Variants in RTL9 observed in about 807,000 individuals in gnomAD.
RTL9 encodes retrotransposon Gag-like protein 9.
A neutral mutation model predicts 44.7 loss-of-function variants in RTL9; 19 were observed. The ratio of observed to expected loss-of-function variants is 0.42; its 90% CI spans 0.30 to 0.62. RTL9 has a LOEUF of 0.62. RTL9 is among the 20% of genes least tolerant of loss of function. RTL9 has a pLI of 0.16. For missense variants in RTL9, 1,105 were observed against 1,080.6 expected, an observed-to-expected ratio of 1.02 and a Z score of -0.32; for synonymous variants, 407 against 398.9, an observed-to-expected ratio of 1.02 and a Z score of -0.24.
rs759140794 is a variant in RTL9, at chrX:110,452,990, A to G, written c.2373A>G (p.Gly791=). The change falls in exon 1 of 2, where the codon GGA becomes GGG. Residue 791 remains glycine, a synonymous_variant. Coordinates refer to ENST00000540313, the Ensembl canonical transcript of RTL9. Reference sequence around the variant, plus strand: ...TGCTCACAAGAGCTTCATCCTCTGGAGAGATGTCCCTACCACTAATGAGAG... The same window carrying G: ...TGCTCACAAGAGCTTCATCCTCTGGGGAGATGTCCCTACCACTAATGAGAG... 5 of 1,211,473 alleles carry G rather than the reference A, an allele frequency of 4.1e-6. No homozygotes were observed. The South Asian group carries it at 7.0e-5, about 17-fold the overall frequency.
At chrX:110,369,176 G>C (rs942932089) in intron 1 of RTL9, among the ~76,000 whole-genome samples, 6 of 110,421 alleles carry the variant, frequency 5.4e-5, no homozygotes, top group Admixed American at 9.6e-5. Flanking sequence ...ACTAAAAATA[G>C]AAAAAATTAA....
intron 1 of RTL9, among the ~76,000 whole-genome samples, chrX:110,377,882 C>G (rs1247501613): frequency 1.9e-5 from 2 of 107,479 alleles, no homozygotes; most frequent in Non-Finnish European, 1.9e-5. Flanking sequence ...GGTAGCGGGC[C>G]CCTGTAGTCC....
intron 1 of RTL9, among the ~76,000 whole-genome samples, chrX:110,362,814 A>G (rs1281932052): frequency 8.9e-6 from 1 of 112,066 alleles, no homozygotes; most frequent in Non-Finnish European, 1.9e-5. Context: ...TCTTCCACAC[A>G]TTGCTAACAT....
intron 1 of RTL9, among the ~76,000 whole-genome samples, chrX:110,426,216 T>C (rs887929023): frequency 8.9e-6 from 1 of 112,494 alleles, no homozygotes; most frequent in Non-Finnish European, 1.9e-5. Context: ...TAATCATCGA[T>C]TCAGCCAGAG....
chrX:110,385,014 T>C (rs1022794867), intron 1 of RTL9, among the ~76,000 whole-genome samples: 16 of 111,054 alleles, frequency 1.4e-4, no homozygotes, highest in Admixed American at 1.1e-3. Context: ...CTATCATAGT[T>C]CCAGCAGAAT....
At chrX:110,407,123 G>C (rs894166030) in intron 1 of RTL9, among the ~76,000 whole-genome samples, 2 of 112,090 alleles carry the variant, frequency 1.8e-5, no homozygotes, top group African/African-American at 6.5e-5. Context: ...GACAATTCTT[G>C]AATTTTATAG....
chrX:110,421,978 T>A (rs1291317545), intron 1 of RTL9, among the ~76,000 whole-genome samples: 1 of 113,230 alleles, frequency 8.8e-6, no homozygotes, highest in Non-Finnish European at 1.9e-5. Context: ...CTAACTGCTT[T>A]GCCTTCTGAG....
chrX:110,370,375 A>G (rs2068329745), intron 1 of RTL9, among the ~76,000 whole-genome samples: 1 of 110,253 alleles, frequency 9.1e-6, no homozygotes, highest in Non-Finnish European at 1.9e-5. Context: ...TGCCCAGCTA[A>G]TTTTTGTATT....
chrX:110,387,027 G>C (rs934100548), intron 1 of RTL9, among the ~76,000 whole-genome samples: 15 of 112,585 alleles, frequency 1.3e-4, no homozygotes, highest in African/African-American at 4.5e-4. Flanking sequence ...AAGGGAGGGA[G>C]AAAGCACTTG....
intron 1 of RTL9, among the ~76,000 whole-genome samples, chrX:110,432,409 G>A (rs920072381): frequency 1.8e-5 from 2 of 112,117 alleles, no homozygotes; most frequent in African/African-American, 6.5e-5. Flanking sequence ...CCAAGGGTGA[G>A]TGGTAGTGGT....
rs140255423 is a variant in RTL9 at position 110,411,026 on chromosome X, G to C, written c.-167-34127G>C. Among the ~76,000 whole-genome samples, 1,058 of 112,596 alleles carry C rather than the reference G, an allele frequency of 9.4e-3. 13 individuals carry two copies. The highest frequency in any genetic ancestry group is 0.032 in the African/African-American group (990 of 31,032). On this transcript the variant is annotated intron_variant, in intron 1 of 2. Transcript: ENST00000520821. ...CTTCTGTGTCCAAAGCTGCCTTAAT[G>C]TGAGGTATTTCAGCAGCGATCAGCA...
At chrX:110,407,765 G>A (rs888630706) in intron 1 of RTL9, among the ~76,000 whole-genome samples, 1 of 112,479 alleles carries the variant, frequency 8.9e-6, no homozygotes, top group African/African-American at 3.2e-5. Flanking sequence ...AAGGCTGGTA[G>A]AAGAGGGCCC....
At chrX:110,382,423 C>T (rs1378375428) in intron 1 of RTL9, among the ~76,000 whole-genome samples, 1 of 110,997 alleles carries the variant, frequency 9.0e-6, no homozygotes, top group African/African-American at 3.3e-5. Flanking sequence ...GAAAATGACA[C>T]TTTCTTAAAA....
intron 1 of RTL9, among the ~76,000 whole-genome samples, chrX:110,396,881 A>T (rs887574065): frequency 8.9e-6 from 1 of 112,168 alleles, no homozygotes; most frequent in African/African-American, 3.2e-5. Flanking sequence ...GGACAGCCTG[A>T]TTGATGGGAT....
At chrX:110,432,505 C>T (rs981016923) in intron 1 of RTL9, among the ~76,000 whole-genome samples, 9 of 112,007 alleles carry the variant, frequency 8.0e-5, no homozygotes, top group African/African-American at 2.6e-4. Context: ...TGTTGTGAGG[C>T]AGCGTTGGGG....
chrX:110,367,446 T>C (rs1360488585), intron 1 of RTL9, among the ~76,000 whole-genome samples: 1 of 110,191 alleles, frequency 9.1e-6, no homozygotes, highest in African/African-American at 3.3e-5. Flanking sequence ...ACTGTTCTCC[T>C]TTTTTTTTCG....
At chrX:110,360,450 GTGGGAGGTGATGTTATCT>G (rs924144678) in intron 1 of RTL9, among the ~76,000 whole-genome samples, 20 of 111,675 alleles carry the variant, frequency 1.8e-4, no homozygotes, top group Non-Finnish European at 3.4e-4. Flanking sequence ...CATTGTCCAG[GTGGGAGGTGATGTTATCT>G]TGAACTAGAT....
chrX:110,427,889 C>T (rs957972487), intron 1 of RTL9, among the ~76,000 whole-genome samples: 4 of 111,688 alleles, frequency 3.6e-5, no homozygotes, highest in African/African-American at 1.3e-4. Flanking sequence ...TGTGCCCATC[C>T]CTTCCTCCCT....
At chrX:110,452,755 A>C (rs1300146274) in exon 1 of RTL9, 1 of 1,209,731 alleles carries the variant, frequency 8.3e-7, no homozygotes, top group Non-Finnish European at 1.1e-6. Context: ...ATGAGAGCCA[A>C]AGTGTCTGGA....
Sources: allele counts gnomAD v4.1 joint callset (sites outside exome capture counted in the v4.1 genomes callset), GRCh38; gene constraint gnomAD v4.1.1; transcripts MANE v1.5; gene names NCBI Gene and HGNC (gene_info 2026-07-23, HGNC 2026-07-21).